SDCCAG8: variants seen among roughly 807,000 people sequenced by gnomAD.
SDCCAG8 encodes the protein serologically defined colon cancer antigen 8.
In SDCCAG8, 74 loss-of-function variants were observed where a neutral mutation model predicts 101.8. The observed-to-expected ratio is 0.73, with a 90% CI of 0.60 to 0.88. The LOEUF is 0.88. Among genes scored for constraint, SDCCAG8 ranks in the 40% least tolerant of loss-of-function variants. The pLI is 0.00. For synonymous variants in SDCCAG8, 281 were observed against 292.9 expected (o/e 0.96, Z 0.41); for missense variants, 787 against 822.6 (o/e 0.96, Z 0.53).
chr1:243,472,360 C>G (rs1661427058), intron 16 of SDCCAG8, among the ~76,000 whole-genome samples: 1 of 152,156 alleles, frequency 6.6e-6, no homozygotes, highest in Non-Finnish European at 1.5e-5. Context: ...AGTAGCTGGT[C>G]AGTACCTGGT....
intron 13 of SDCCAG8, among the ~76,000 whole-genome samples, chr1:243,411,356 A>G (rs2080163678): frequency 1.3e-5 from 2 of 152,078 alleles, no homozygotes; most frequent in Non-Finnish European, 1.5e-5. Context: ...GGCTCAAGTG[A>G]TCTACCTGCC....
chr1:243,323,472 C>T (rs2073920202), intron 9 of SDCCAG8, among the ~76,000 whole-genome samples: 1 of 152,114 alleles, frequency 6.6e-6, no homozygotes, highest in Non-Finnish European at 1.5e-5. Flanking sequence ...ATGTCTCCCA[C>T]TTCTATGTCA....
chr1:243,282,908 G>A (rs2149279979), intron 4 of SDCCAG8, among the ~76,000 whole-genome samples: 1 of 152,014 alleles, frequency 6.6e-6, no homozygotes, highest in East Asian at 1.9e-4. Context: ...GTGCAGTGGC[G>A]AGGTCTTGGC....
At chr1:243,256,326 T>G (rs967356354) in intron 1 of SDCCAG8, 86 bp downstream of exon 1, 1 of 1,078,648 alleles carries the variant, frequency 9.3e-7, no homozygotes, top group Admixed American at 1.7e-5. Context: ...TCCTAACACC[T>G]GGGTTCTGCC....
intron 9 of SDCCAG8, chr1:243,318,589 G>T: frequency 1.0e-6 from 1 of 984,992 alleles, no homozygotes; most frequent in Non-Finnish European, 1.2e-6. Flanking sequence ...TCTTTATCCA[G>T]TTCATCCATA....
chr1:243,388,586 T>A (rs1269763574), intron 13 of SDCCAG8, among the ~76,000 whole-genome samples: 1 of 150,946 alleles, frequency 6.6e-6, no homozygotes, highest in African/African-American at 2.4e-5. Flanking sequence ...CCTGGTCAGG[T>A]GCCATGGCTC....
At chr1:243,327,359 A>AT (rs1234404208) in intron 9 of SDCCAG8, among the ~76,000 whole-genome samples, 3,475 of 59,896 alleles carry the variant, frequency 0.058, 1,709 homozygotes, top group Admixed American at 0.074. Flanking sequence ...TAAAATTATA[A>AT]TTATAATTTT....
chr1:243,319,964 CTTTT>C (rs1335701551), intron 9 of SDCCAG8, among the ~76,000 whole-genome samples: 1 of 152,010 alleles, frequency 6.6e-6, no homozygotes, highest in Non-Finnish European at 1.5e-5. Flanking sequence ...AGCATTCTTT[CTTTT>C]TATCTCTCAT....
intron 10 of SDCCAG8, among the ~76,000 whole-genome samples, chr1:243,335,377 C>T (rs1181566041): frequency 1.3e-5 from 2 of 152,148 alleles, no homozygotes; most frequent in Admixed American, 1.3e-4. Context: ...ATAGCAAACA[C>T]CAGCTATTGT....
rs192450598 is a variant in SDCCAG8, at chr1:243,386,752, C to T, written c.1616+7889C>T. ...TGGGTGACAGAGCGAGACTCCATCT[C>T]AAAAAAGAAAGAAAGTGAGAGAGAG... On this transcript the variant is annotated intron_variant, in intron 13 of 17. Coordinates refer to ENST00000366541, the MANE Select transcript of SDCCAG8 (RefSeq NM_006642.5). Among the ~76,000 whole-genome samples, 401 of 146,802 alleles carry T rather than the reference C, an allele frequency of 2.7e-3. 1 individual carries two copies. Among genetic ancestry groups the T allele is most frequent in the Non-Finnish European group, 4.9e-3 (332 of 67,090 alleles).
In SDCCAG8 at chr1:243,330,491, A is replaced by G. The variant is rs770574538; in HGVS notation, c.1069-49A>G. On this transcript the variant is annotated intron_variant, in intron 9 of 17. Coordinates refer to ENST00000366541, the MANE Select transcript of SDCCAG8 (RefSeq NM_006642.5). ...AGCTTAATTATGTCATTTTACCTAT[A>G]TTTTTTCCAAATTCTAACCTCCTCT... 3 of 1,599,846 alleles carry G rather than the reference A, an allele frequency of 1.9e-6. No homozygotes were observed. In the South Asian group the frequency reaches 3.3e-5, roughly 18 times the overall value.
chr1:243,266,634 G>A (rs1228406837), intron 1 of SDCCAG8, among the ~76,000 whole-genome samples: 1 of 151,698 alleles, frequency 6.6e-6, no homozygotes, highest in African/African-American at 2.4e-5. Context: ...ATTTTTATGA[G>A]ACAAAATATC....
In SDCCAG8 at chr1:243,484,773, C is replaced by T. The variant is rs181579405; in HGVS notation, c.1986-4241C>T. Among the ~76,000 whole-genome samples the T allele has an allele frequency of 3.1e-3, 478 of 152,282 alleles. 2 individuals carry two copies. Among genetic ancestry groups the T allele is most frequent in the African/African-American group, 0.01 (419 of 41,556 alleles). On this transcript the variant is annotated intron_variant, in intron 16 of 17. Transcript: ENST00000366541. ...ACCCTTAAGAGGTGTTGGCCGGGCG[C>T]GGTGGCTCACGCCTGTAATCCCAGC...
At chr1:243,452,017 C>A (rs12739983) in intron 16 of SDCCAG8, among the ~76,000 whole-genome samples, 15,095 of 152,244 alleles carry the variant, frequency 0.099, 877 homozygotes, top group Non-Finnish European at 0.14. Context: ...AAAACCCTTC[C>A]ATCAAAGGCC....
At chr1:243,446,455 A>G (rs1471795055) in intron 16 of SDCCAG8, among the ~76,000 whole-genome samples, 1 of 152,064 alleles carries the variant, frequency 6.6e-6, no homozygotes, top group Non-Finnish European at 1.5e-5. Flanking sequence ...TTATAGACAC[A>G]AGGTCTCACT....
intron 12 of SDCCAG8, among the ~76,000 whole-genome samples, chr1:243,374,663 C>T (rs558759247): frequency 1.3e-5 from 2 of 152,044 alleles, no homozygotes; most frequent in Admixed American, 6.6e-5. Context: ...ATGTGTTTTT[C>T]GTGTACCTTT....
intron 9 of SDCCAG8, among the ~76,000 whole-genome samples, chr1:243,321,806 G>A (rs548995943): frequency 2.6e-5 from 4 of 152,216 alleles, no homozygotes; most frequent in Middle Eastern, 3.4e-3. Context: ...GCACCATCAC[G>A]CCTGGCTAAT....
At chr1:243,441,556 C>G (rs2082536222) in intron 16 of SDCCAG8, among the ~76,000 whole-genome samples, 1 of 152,130 alleles carries the variant, frequency 6.6e-6, no homozygotes, top group East Asian at 1.9e-4. Context: ...CTAGGAGTAG[C>G]ATTTTCTTCA....
intron 15 of SDCCAG8, among the ~76,000 whole-genome samples, chr1:243,420,431 A>G (rs978007033): frequency 2.0e-5 from 3 of 152,214 alleles, no homozygotes; most frequent in Non-Finnish European, 4.4e-5. Context: ...ATCACTTTAC[A>G]TAGCTATTGT....
Sources: allele counts gnomAD v4.1 joint callset (sites outside exome capture counted in the v4.1 genomes callset), GRCh38; gene constraint gnomAD v4.1.1; transcripts MANE v1.5; gene names NCBI Gene and HGNC (gene_info 2026-07-23, HGNC 2026-07-21).